Variants in SETD2 observed in about 807,000 individuals in gnomAD.
SETD2 encodes the protein histone-lysine N-methyltransferase SETD2.
In SETD2, 31 loss-of-function variants were observed where a neutral mutation model predicts 242.1. The ratio of observed to expected loss-of-function variants is 0.13; its 90% confidence interval spans 0.10 to 0.17. The LOEUF is 0.17. Among genes scored for constraint, SETD2 ranks in the 10% least tolerant of loss-of-function variants. SETD2 has a pLI of 1.00. For synonymous variants in SETD2, 1,006 were observed against 1,066.5 expected, an observed-to-expected ratio of 0.94 and a Z score of 1.11; for missense variants, 2,481 against 3,046.3, an observed-to-expected ratio of 0.81 and a Z score of 4.37.
intron 18 of SETD2, among the ~76,000 whole-genome samples, chr3:47,037,280 C>G (rs1185676180): frequency 9.1e-6 from 1 of 109,884 alleles, no homozygotes; most frequent in Non-Finnish European, 1.9e-5. Flanking sequence ...TCCCTCCCCC[C>G]TCCCCCCCAC....
At chr3:47,099,267 T>C (rs539957193) in intron 8 of SETD2, among the ~76,000 whole-genome samples, 1 of 152,330 alleles carries the variant, frequency 6.6e-6, no homozygotes, top group Admixed American at 6.5e-5. Context: ...CAGGAAACTC[T>C]GCAGCTGTGT....
At chr3:47,080,840 G>C in intron 12 of SETD2, 1 of 986,712 alleles carries the variant, frequency 1.0e-6, no homozygotes, top group Non-Finnish European at 1.2e-6. Flanking sequence ...TTCCCGGAAC[G>C]ACATCCATTG....
At chr3:47,061,900 A>C (rs2040349019) in intron 14 of SETD2, among the ~76,000 whole-genome samples, 1 of 152,348 alleles carries the variant, frequency 6.6e-6, no homozygotes, top group Middle Eastern at 3.4e-3. Flanking sequence ...CGAAAGAACA[A>C]ATCTTTGGCT....
chr3:47,144,558 G>A (rs745689046), intron 1 of SETD2, among the ~76,000 whole-genome samples: 6 of 152,154 alleles, frequency 3.9e-5, no homozygotes, highest in Admixed American at 6.6e-5. Flanking sequence ...CAGGAGAATC[G>A]CTTGAACCAG....
chr3:47,151,951 C>G lies in SETD2; in HGVS notation c.71+11903G>C, dbSNP rs142221667. Among the ~76,000 whole-genome samples the G allele has an allele frequency of 3.3e-3, 494 of 151,842 alleles. 3 individuals are homozygous for G. Among genetic ancestry groups the G allele is most frequent in the African/African-American group, 0.011 (462 of 41,424 alleles). The stretch of plus-strand genomic sequence containing the variant: ...ATGAGCAATACTATAATTGGGGGAA[C>G]AGTCTTTTTATATTCAATCACTACG... On this transcript the variant is annotated intron_variant, in intron 1 of 20. Coordinates refer to ENST00000409792, the MANE Select transcript of SETD2 (RefSeq NM_014159.7).
intron 7 of SETD2, 71 bp from the exon 8 acceptor site, chr3:47,101,626 G>GTGTGTGTGTGTGTGTT (rs2042217096): frequency 1.2e-6 from 1 of 839,412 alleles, no homozygotes; most frequent in African/African-American, 1.7e-5. Flanking sequence ...GTGTGTGTGT[G>GTGTGTGTGTGTGTGTT]TGTGTGTGCG....
At chr3:47,062,793 T>G (rs1002334541) in intron 13 of SETD2, among the ~76,000 whole-genome samples, 1 of 152,178 alleles carries the variant, frequency 6.6e-6, no homozygotes, top group Non-Finnish European at 1.5e-5. Flanking sequence ...AAGTTTATTT[T>G]TTTTTTTAAA....
chr3:47,020,560 G>A (rs2038172079), intron 18 of SETD2, among the ~76,000 whole-genome samples: 1 of 152,154 alleles, frequency 6.6e-6, no homozygotes, highest in African/African-American at 2.4e-5. Flanking sequence ...TGCACCAGGA[G>A]GCGATGAGTT....
chr3:47,136,183 A>C (rs1364546987), intron 1 of SETD2, among the ~76,000 whole-genome samples: 1 of 152,118 alleles, frequency 6.6e-6, no homozygotes, highest in Non-Finnish European at 1.5e-5. Context: ...AATTGCTCAG[A>C]TCAAACCTCA....
intron 1 of SETD2, among the ~76,000 whole-genome samples, chr3:47,162,376 G>A (rs1224302903): frequency 6.6e-6 from 1 of 152,018 alleles, no homozygotes; most frequent in Non-Finnish European, 1.5e-5. Context: ...TTACCTAACT[G>A]ACCCTGCCAG....
chr3:47,101,596 T>TAG (rs752605361), intron 7 of SETD2, 41 bp from the exon 8 acceptor site: 3 of 985,694 alleles, frequency 3.0e-6, no homozygotes, highest in Non-Finnish European at 4.7e-6. Context: ...AGTAACTTAT[T>TAG]AGTGTGTGTG....
At chr3:47,059,958 T>C (rs531386909) in intron 14 of SETD2, among the ~76,000 whole-genome samples, 2 of 152,272 alleles carry the variant, frequency 1.3e-5, no homozygotes, top group South Asian at 4.1e-4. Flanking sequence ...TAATTTTTTG[T>C]ATTTTTAATA....
At chr3:47,042,734 ATC>A (rs2039339047) in intron 16 of SETD2, 34 bp from the exon 17 acceptor site, 1 of 1,567,694 alleles carries the variant, frequency 6.4e-7, no homozygotes, top group Non-Finnish European at 8.6e-7. Flanking sequence ...TTGATCAGTG[ATC>A]TCTCTCTTAA....
chr3:47,078,577 A>G (rs940602126), intron 12 of SETD2, among the ~76,000 whole-genome samples: 3 of 150,040 alleles, frequency 2.0e-5, no homozygotes, highest in African/African-American at 7.4e-5. Context: ...ACAACTGGCA[A>G]AATCTGAAAG....
chr3:47,103,320 C>CA lies in SETD2; in HGVS notation c.4917+25dup, dbSNP rs2042287205. ...GAACAGCAATCGTGAACAAATACCT[C>CA]AAACTCTAAATCCACCTCAACTTAC... On this transcript the variant is annotated intron_variant, in intron 7 of 20. Transcript: ENST00000409792. The CA allele has an allele frequency of 3.3e-6, 5 of 1,524,788 alleles. No individual in the cohort carries two copies. The East Asian group carries it at 1.1e-4, about 34-fold the overall frequency. 94.5% of individuals were successfully genotyped at this position (1,524,788 alleles called of 1,614,324 possible).
intron 15 of SETD2, among the ~76,000 whole-genome samples, chr3:47,055,810 A>G (rs2040031103): frequency 6.6e-6 from 1 of 151,940 alleles, no homozygotes; most frequent in African/African-American, 2.4e-5. Context: ...CAGGAGATTG[A>G]GACCATCCTG....
intron 1 of SETD2, among the ~76,000 whole-genome samples, chr3:47,153,049 G>A (rs2044032064): frequency 6.6e-6 from 1 of 151,968 alleles, no homozygotes; most frequent in Admixed American, 6.6e-5. Flanking sequence ...AACAGGCATG[G>A]TGGCTCACGC....
upstream of SETD2, among the ~76,000 whole-genome samples, chr3:47,164,145 A>G (rs1445633056): frequency 6.6e-6 from 1 of 151,066 alleles, no homozygotes; most frequent in Non-Finnish European, 1.5e-5. This position sits in a 1 kb window ranked among gnomAD's most constrained non-coding sequence, Gnocchi z 5.4. Flanking sequence ...AGCGACGCAC[A>G]CCCCACCCGC....
chr3:47,035,547 G>A (rs1405443952), intron 18 of SETD2, among the ~76,000 whole-genome samples: 2 of 152,096 alleles, frequency 1.3e-5, no homozygotes, highest in Non-Finnish European at 2.9e-5. Flanking sequence ...ATATAAGAAA[G>A]GCAATTCCTT....
Sources: allele counts gnomAD v4.1 joint callset (sites outside exome capture counted in the v4.1 genomes callset), GRCh38; gene constraint gnomAD v4.1.1; non-coding constraint Gnocchi (gnomAD v3.1); transcripts MANE v1.5; gene names NCBI Gene and HGNC (gene_info 2026-07-23, HGNC 2026-07-21).